The following PPARGC1A variants were observed in gnomAD, a reference collection of about 807,000 sequenced individuals.
The protein encoded by PPARGC1A is PPARG coactivator 1 alpha, also known as peroxisome proliferator-activated receptor gamma coactivator 1-alpha.
In PPARGC1A, 25 loss-of-function variants were observed where a neutral mutation model predicts 88.7. The observed-to-expected ratio is 0.28, with a 90% CI of 0.21 to 0.39. The LOEUF (loss-of-function observed/expected upper bound fraction) is 0.39. PPARGC1A is among the 10% of genes least tolerant of loss of function. The pLI is 1.00. For missense variants in PPARGC1A, 880 were observed against 968.7 expected (o/e 0.91, Z 1.22); for synonymous variants, 363 against 355.6 (o/e 1.02, Z -0.24).
the PPARGC1A span, among the ~76,000 whole-genome samples, chr4:24,119,752 T>A: frequency 6.6e-5 from 10 of 152,072 alleles, no homozygotes; most frequent in Admixed American, 5.9e-4. Context: ...CTAGAATGAA[T>A]TGAAATGTGA....
At chr4:24,356,731 G>A in the PPARGC1A span, among the ~76,000 whole-genome samples, 1 of 152,134 alleles carries the variant, frequency 6.6e-6, no homozygotes, top group Non-Finnish European at 1.5e-5. Flanking sequence ...CTTCCCACAG[G>A]CCAAGCAGTC....
the PPARGC1A span, among the ~76,000 whole-genome samples, chr4:24,075,541 C>G: frequency 6.6e-6 from 1 of 152,154 alleles, no homozygotes; most frequent in African/African-American, 2.4e-5. Flanking sequence ...GCTGTGTCCC[C>G]ACCCAAATAT....
chr4:24,001,926 A>T, the PPARGC1A span, among the ~76,000 whole-genome samples: 3 of 152,116 alleles, frequency 2.0e-5, no homozygotes, highest in African/African-American at 7.2e-5. Context: ...GAAGTAAGAG[A>T]TATAATCGGC....
At position 23,816,566 on chromosome 4, in the gene PPARGC1A, T is replaced by C. The variant is rs571884217; in HGVS notation, c.878-1961A>G. 3.9e-5 allele frequency among the ~76,000 whole-genome samples: 6 copies of C among 152,268 alleles called. 1 individual carries two copies. The South Asian group carries it at 1.2e-3, about 32-fold the overall frequency. On this transcript the variant is annotated intron_variant, in intron 7 of 12. Transcript: ENST00000264867. Reference sequence around the variant, plus strand: ...ATAAAAAAAAAAGCACATTCTCAAATATTCCTCCTAGGAGCCTAAGATACT... The same window carrying C: ...ATAAAAAAAAAAGCACATTCTCAAACATTCCTCCTAGGAGCCTAAGATACT...
chr4:24,462,650 A>G, the PPARGC1A span, among the ~76,000 whole-genome samples: 1 of 151,832 alleles, frequency 6.6e-6, no homozygotes, highest in South Asian at 2.1e-4. Context: ...GAGTGAATCC[A>G]TGTAAAGCAC....
intron 2 of PPARGC1A, among the ~76,000 whole-genome samples, chr4:23,851,114 C>T (rs1267329704): frequency 6.6e-6 from 1 of 152,128 alleles, no homozygotes; most frequent in African/African-American, 2.4e-5. Context: ...TGGACTTATC[C>T]ATCTCACAAA....
the PPARGC1A span, among the ~76,000 whole-genome samples, chr4:23,913,165 GATATATGATATATATCATATT>G: frequency 5.0e-5 from 7 of 140,620 alleles, no homozygotes; most frequent in Admixed American, 7.5e-5. Flanking sequence ...TCTCTCAACT[GATATATGATATATATCATATT>G]ATATATGATA....
chr4:23,968,881 C>A, the PPARGC1A span, among the ~76,000 whole-genome samples: 1 of 152,004 alleles, frequency 6.6e-6, no homozygotes, highest in Non-Finnish European at 1.5e-5. Context: ...CATTGCACTC[C>A]AGCCTGGGCG....
At chr4:24,061,816 A>G in the PPARGC1A span, among the ~76,000 whole-genome samples, 9 of 152,210 alleles carry the variant, frequency 5.9e-5, no homozygotes, top group Non-Finnish European at 1.0e-4. Context: ...ATTTTCTTCT[A>G]CCCAGTATGG....
chr4:24,355,833 T>C, the PPARGC1A span, among the ~76,000 whole-genome samples: 1 of 152,262 alleles, frequency 6.6e-6, no homozygotes, highest in Admixed American at 6.5e-5. Flanking sequence ...TTGCCATCAA[T>C]TTAAAACAGG....
the PPARGC1A span, among the ~76,000 whole-genome samples, chr4:24,105,912 G>A: frequency 6.6e-6 from 1 of 152,194 alleles, no homozygotes; most frequent in Non-Finnish European, 1.5e-5. Flanking sequence ...CAGCCTTTTA[G>A]AATTGTTGAC....
At chr4:24,105,068 A>G in the PPARGC1A span, among the ~76,000 whole-genome samples, 1 of 152,220 alleles carries the variant, frequency 6.6e-6, no homozygotes, top group South Asian at 2.1e-4. Flanking sequence ...TAACTCACTC[A>G]TGTGGGAGCT....
the PPARGC1A span, among the ~76,000 whole-genome samples, chr4:23,942,018 C>A: frequency 6.6e-6 from 1 of 151,978 alleles, no homozygotes; most frequent in Admixed American, 6.6e-5. Flanking sequence ...TAAAAATCAA[C>A]AACCCAACAC....
the PPARGC1A span, among the ~76,000 whole-genome samples, chr4:24,203,599 T>A: frequency 2.0e-5 from 3 of 152,100 alleles, no homozygotes; most frequent in South Asian, 4.2e-4. Flanking sequence ...AGAGAAAGAA[T>A]AAAGAAGTAT....
chr4:24,083,923 C>T, the PPARGC1A span, among the ~76,000 whole-genome samples: 163 of 152,342 alleles, frequency 1.1e-3, 2 homozygotes, highest in African/African-American at 3.5e-3. Context: ...AATCACTCGT[C>T]CAAGTGCATT....
At chr4:24,211,592 C>G in the PPARGC1A span, among the ~76,000 whole-genome samples, 1 of 152,106 alleles carries the variant, frequency 6.6e-6, no homozygotes, top group Non-Finnish European at 1.5e-5. Context: ...CACCTTGATT[C>G]AGAATCTGAT....
chr4:24,281,192 A>G, the PPARGC1A span, among the ~76,000 whole-genome samples: 1 of 152,248 alleles, frequency 6.6e-6, no homozygotes, highest in Admixed American at 6.5e-5. Flanking sequence ...ATTCAGTAAC[A>G]GTGATGAAAC....
the PPARGC1A span, among the ~76,000 whole-genome samples, chr4:24,164,645 T>A: frequency 2.8e-4 from 43 of 152,204 alleles, no homozygotes; most frequent in African/African-American, 1.0e-3. Flanking sequence ...TTTTGTTTTA[T>A]CCTTTCAAAT....
intron 2 of PPARGC1A, among the ~76,000 whole-genome samples, chr4:23,839,520 G>A (rs1179455060): frequency 6.6e-6 from 1 of 152,120 alleles, no homozygotes; most frequent in Non-Finnish European, 1.5e-5. Context: ...TGGAAGTCAG[G>A]AGAATTAATC....
Sources: gnomAD v4.1 joint callset for allele counts (sites outside exome capture counted in the v4.1 genomes callset) on GRCh38, gnomAD v4.1.1 for gene constraint, MANE v1.5 for transcripts, NCBI Gene and HGNC (gene_info 2026-07-23, HGNC 2026-07-21) for gene names.